Variants in MAMDC2 observed in about 807,000 individuals in gnomAD.
MAMDC2 encodes the protein MAM domain containing 2.
In MAMDC2, 57 loss-of-function variants were observed where a neutral mutation model predicts 89.8. The observed-to-expected ratio is 0.63, with a 90% CI of 0.51 to 0.79. MAMDC2 has a LOEUF of 0.79. Ranked by LOEUF, MAMDC2 falls within the 30% of genes least tolerant of loss-of-function variation. The pLI, the probability that MAMDC2 is intolerant of heterozygous loss-of-function variation, is 0.00. For missense variants in MAMDC2, 800 were observed against 820.6 expected, an observed-to-expected ratio of 0.97 and a Z score of 0.31; for synonymous variants, 313 against 293.4, an observed-to-expected ratio of 1.07 and a Z score of -0.68.
intron 11 of MAMDC2, chr9:70,172,187 A>T (rs1694150799): frequency 1.3e-5 from 2 of 152,232 alleles, no homozygotes; most frequent in South Asian, 4.1e-4. Flanking sequence ...AGTTCAAATC[A>T]AAACTTCCAT....
At chr9:70,056,881 A>G (rs551513739) in intron 2 of MAMDC2, among the ~76,000 whole-genome samples, 19 of 152,296 alleles carry the variant, frequency 1.2e-4, no homozygotes, top group Admixed American at 8.5e-4. Context: ...TTGCACATGT[A>G]AAGGATCTAG....
chr9:70,074,089 C>A (rs1218480607), intron 2 of MAMDC2, among the ~76,000 whole-genome samples: 1 of 152,190 alleles, frequency 6.6e-6, no homozygotes. Flanking sequence ...AAGAACCCTG[C>A]CCTTAATAGC....
intron 2 of MAMDC2, among the ~76,000 whole-genome samples, chr9:70,105,684 G>T (rs1047281975): frequency 2.6e-5 from 4 of 152,126 alleles, no homozygotes; most frequent in Non-Finnish European, 4.4e-5. Flanking sequence ...TAAAATCTAG[G>T]TATTTTAAAT....
In MAMDC2 at chr9:70,112,997, T is replaced by C; in HGVS notation, c.508T>C (p.Cys170Arg). The part of the protein sequence containing the change: ...IKMTTGYCIE[C>R]DFEENHLCGF... ...GTGTTTTTGTTTCCCTTCCCCAGAA[T>C]GTGACTTTGAAGAAAATCATCTCTG... The change falls in exon 5 of 14, where the codon TGT becomes CGT. Residue 170 changes from cysteine (C) to arginine (R), a missense_variant and splice_region_variant. Transcript: ENST00000377182. 1 of 1,614,128 alleles carries C rather than the reference T, an allele frequency of 6.2e-7. No individual in the cohort carries two copies. The highest frequency in any genetic ancestry group is 8.5e-7 in the Non-Finnish European group (1 of 1,179,976).
intron 11 of MAMDC2, among the ~76,000 whole-genome samples, chr9:70,215,615 GT>G (rs2033429673): frequency 6.6e-6 from 1 of 152,196 alleles, no homozygotes; most frequent in Non-Finnish European, 1.5e-5. Flanking sequence ...ATTTCTACTT[GT>G]TCACTGCATT....
At chr9:70,044,465 TC>T (rs1826687784) in intron 1 of MAMDC2, 118 bp from the exon 2 acceptor site, 6 of 891,280 alleles carry the variant, frequency 6.7e-6, no homozygotes, top group Non-Finnish European at 1.0e-5. Context: ...TGCATCCCTC[TC>T]CCGCCCCCTC....
intron 2 of MAMDC2, chr9:70,092,700 C>G (rs756740591): frequency 1.1e-4 from 16 of 152,164 alleles, no homozygotes; most frequent in Admixed American, 2.6e-4. Context: ...TTCTGCCTAC[C>G]TGGTGATCAC....
intron 2 of MAMDC2, among the ~76,000 whole-genome samples, chr9:70,069,142 C>G (rs1206433410): frequency 6.6e-6 from 1 of 152,156 alleles, no homozygotes; most frequent in Admixed American, 6.5e-5. Context: ...GCTTATGAAT[C>G]CCCTGGACAG....
At chr9:70,196,073 C>A (rs1006529087) in intron 11 of MAMDC2, among the ~76,000 whole-genome samples, 1 of 152,026 alleles carries the variant, frequency 6.6e-6, no homozygotes, top group Non-Finnish European at 1.5e-5. Context: ...CTTAACGTGG[C>A]GGCAAGGCAA....
intron 2 of MAMDC2, chr9:70,086,728 A>G (rs1827777604): frequency 6.6e-6 from 1 of 152,110 alleles, no homozygotes; most frequent in African/African-American, 2.4e-5. Flanking sequence ...GCCAACTCCT[A>G]TCATAGAGTA....
intron 9 of MAMDC2, chr9:70,153,061 C>T (rs1345266633): frequency 6.6e-6 from 1 of 152,148 alleles, no homozygotes; most frequent in Non-Finnish European, 1.5e-5. Context: ...AACTAAAAAT[C>T]AGGTCAGAAT....
rs1253297090 is a variant in MAMDC2, at chr9:70,044,223, C to A, written c.26C>A (p.Ala9Glu). ...ATGCTGTTAAGGGGCGTCCTCCTGG[C>A]GTTGCAAGGTAAGGCCTGGACCCCG... MLLRGVLL[A>E]LQALQLAGAL... Residue 9 changes from alanine to glutamate, a missense_variant, in exon 1 of 14, where the codon GCG (alanine) becomes GAG (glutamate). Coordinates refer to ENST00000377182, the MANE Select transcript of MAMDC2 (RefSeq NM_153267.5). The A allele has an allele frequency of 5.0e-6, 8 of 1,613,302 alleles. No homozygotes were observed. Among genetic ancestry groups the A allele is most frequent in the African/African-American group, 1.3e-5 (1 of 75,050 alleles).
At chr9:70,064,955 T>C (rs1827232699) in intron 2 of MAMDC2, among the ~76,000 whole-genome samples, 1 of 152,316 alleles carries the variant, frequency 6.6e-6, no homozygotes, top group South Asian at 2.1e-4. Context: ...GCCAAGCCAT[T>C]GTAACTTGAG....
rs184595416 is a variant in MAMDC2 at position 70,104,908 on chromosome 9, T to C, written c.149-3303T>C. Among the ~76,000 whole-genome samples the C allele has an allele frequency of 1.0e-3, 156 of 152,290 alleles. 1 individual carries two copies. The highest frequency in any genetic ancestry group is 3.4e-3 in the African/African-American group (140 of 41,558). On this transcript the variant is annotated intron_variant, in intron 2 of 13. Coordinates refer to ENST00000377182, the MANE Select transcript of MAMDC2 (RefSeq NM_153267.5). ...TATGAACATGCTAAAAACCTCTGAA[T>C]TGTATTAAAAGGGTGAATTCTATGG...
chr9:70,173,113 G>A (rs12685441), intron 11 of MAMDC2, among the ~76,000 whole-genome samples: 10,457 of 152,076 alleles, frequency 0.069, 567 homozygotes, highest in East Asian at 0.22. Context: ...TCTTTGAGCT[G>A]GTTTTTCTGG....
intron 9 of MAMDC2, among the ~76,000 whole-genome samples, chr9:70,159,808 A>T (rs1170617814): frequency 6.6e-6 from 1 of 152,194 alleles, no homozygotes; most frequent in Non-Finnish European, 1.5e-5. Context: ...GCAGTGTTTG[A>T]CCAGGAGAAC....
intron 5 of MAMDC2, among the ~76,000 whole-genome samples, chr9:70,123,558 G>A (rs528321558): frequency 3.7e-4 from 57 of 152,288 alleles, no homozygotes; most frequent in African/African-American, 1.2e-3. Flanking sequence ...AGTGTTAGGC[G>A]TTGAATTGTG....
At chr9:70,108,038 C>T (rs991958717) in intron 2 of MAMDC2, among the ~76,000 whole-genome samples, 173 bp from the exon 3 acceptor site, 2 of 152,174 alleles carry the variant, frequency 1.3e-5, no homozygotes, top group Non-Finnish European at 2.9e-5. Flanking sequence ...GGTCTCAGTG[C>T]TTTGTAATTT....
intron 11 of MAMDC2, among the ~76,000 whole-genome samples, chr9:70,215,561 A>G (rs909102449): frequency 2.6e-4 from 39 of 152,250 alleles, no homozygotes; most frequent in Non-Finnish European, 1.5e-4. Context: ...TTTGAACTGC[A>G]CTGAAATATA....
Sources: gnomAD v4.1 joint callset for allele counts (sites outside exome capture counted in the v4.1 genomes callset) on GRCh38, gnomAD v4.1.1 for gene constraint, MANE v1.5 for transcripts, NCBI Gene and HGNC (gene_info 2026-07-23, HGNC 2026-07-21) for gene names.